The following LAMA1 variants were observed in gnomAD, a reference collection of about 807,000 sequenced individuals.
The protein encoded by LAMA1 is laminin subunit alpha-1.
Under a neutral mutation model 348.7 loss-of-function variants are expected in LAMA1, and 219 were observed. The observed-to-expected ratio is 0.63, with a 90% CI of 0.56 to 0.70. LAMA1 has a LOEUF of 0.70. Among genes scored for constraint, LAMA1 ranks in the 30% least tolerant of loss-of-function variants. The probability of loss-of-function intolerance (pLI) is 0.00; values close to 1 mark genes in which losing one functional copy is unlikely to be tolerated. For missense variants in LAMA1, 3,744 were observed against 3,888.0 expected, an observed-to-expected ratio of 0.96 and a Z score of 0.99; for synonymous variants, 1,487 against 1,491.0, an observed-to-expected ratio of 1.00 and a Z score of 0.06.
intron 9 of LAMA1, 101 bp downstream of exon 9, chr18:7,042,044 A>G (rs2058022603): frequency 2.4e-6 from 2 of 830,054 alleles, no homozygotes; most frequent in Non-Finnish European, 4.1e-6. Flanking sequence ...AGAATCAATA[A>G]TCATGTTACC....
At chr18:7,067,094 TG>T (rs1188457344) in intron 3 of LAMA1, among the ~76,000 whole-genome samples, 2 of 152,170 alleles carry the variant, frequency 1.3e-5, no homozygotes, top group Non-Finnish European at 2.9e-5. Flanking sequence ...AAGAAGAAAT[TG>T]GTAGCACCTG....
At chr18:7,046,168 C>A in intron 6 of LAMA1, 110 bp downstream of exon 6, 2 of 679,234 alleles carry the variant, frequency 2.9e-6, no homozygotes, top group African/African-American at 1.8e-5. Context: ...TTTTTTGGAG[C>A]ATAATTTTAT....
Position 7,009,295 on chromosome 18 carries a change from G to A in LAMA1, c.3945C>T (p.Ser1315=), listed in dbSNP as rs775718502. 6.8e-6 allele frequency: 11 copies of A among 1,613,078 alleles called. No individual in the cohort carries two copies. Among genetic ancestry groups the A allele is most frequent in the East Asian group, 4.5e-5 (2 of 44,872 alleles). ...VTREDFMSVL[S]DIEYILIKAS... Reference sequence around the variant, plus strand: ...CCTTGATGAGGATGTACTCAATATCGCTGAGGACAGACATAAAATCCTCTC... The same window carrying A: ...CCTTGATGAGGATGTACTCAATATCACTGAGGACAGACATAAAATCCTCTC... The change falls in exon 27 of 63, where the codon AGC becomes AGT. Residue 1315 remains serine (S), a synonymous_variant. Transcript: ENST00000389658.
intron 23 of LAMA1, among the ~76,000 whole-genome samples, chr18:7,013,148 A>G (rs1012554479): frequency 8.6e-5 from 13 of 151,988 alleles, no homozygotes; most frequent in African/African-American, 3.1e-4. Context: ...GAGACAGAGC[A>G]AGACTCTGTC....
At position 6,993,706 on chromosome 18, in the gene LAMA1, T is replaced by A. The variant is rs754328795; in HGVS notation, c.4943A>T (p.Glu1648Val). 1.2e-6 allele frequency: 2 copies of A among 1,614,108 alleles called. No individual in the cohort carries two copies. The highest frequency in any genetic ancestry group is 2.2e-5 in the South Asian group (2 of 91,076). The change falls in exon 35 of 63, where the codon GAG (glutamate) becomes GTG (valine). Residue 1648 changes from glutamate (E) to valine (V), a missense_variant. Physicochemically the swap from Glu to Val is moderately radical, Grantham distance 121. Transcript: ENST00000389658. ...GTCTTGACTCTCCTTGAAGATTCTC[T>A]CAGTTGCCCTATTCACCTTTTGGGT... The part of the protein sequence containing the change: ...ASTQKVNRAT[E>V]RIFKESQDLA...
At chr18:6,977,953 A>G (rs550858595) in intron 43 of LAMA1, 72 bp from the exon 44 acceptor site, 8 of 1,521,230 alleles carry the variant, frequency 5.3e-6, no homozygotes, top group South Asian at 2.3e-5. Context: ...TTAATTGTCC[A>G]TTAACAATGC....
chr18:7,031,630 G>C (rs980567070), intron 16 of LAMA1, among the ~76,000 whole-genome samples: 3 of 151,242 alleles, frequency 2.0e-5, no homozygotes, highest in African/African-American at 7.4e-5. Context: ...GCAGTAAGCA[G>C]TGTTGGTGCC....
chr18:7,040,258 T>C, intron 9 of LAMA1, 22 bp from the exon 10 acceptor site: 1 of 1,613,762 alleles, frequency 6.2e-7, no homozygotes, highest in Non-Finnish European at 8.5e-7. Context: ...ACAATGGCAA[T>C]GACCCAACAT....
Position 6,948,313 on chromosome 18 carries a change from A to G in LAMA1, c.8710+90T>C, listed in dbSNP as rs1748302463. ...ATGTGGTTTTCCTGCAGCCTTGTCC[A>G]GTGGGTCCTGTCTTATACTCTTGGA... On this transcript the variant is annotated intron_variant, in intron 60 of 62. Transcript: ENST00000389658. 8 of 1,533,226 alleles carry G rather than the reference A, an allele frequency of 5.2e-6. No individual in the cohort carries two copies. The East Asian group carries it at 1.6e-4, about 30-fold the overall frequency. The allele number at this position is 1,533,226 out of a possible 1,614,324, so 95.0% of individuals were successfully genotyped here. A position where few individuals can be genotyped will look rare whatever the true frequency, so the allele number is the denominator to read the frequency against.
In LAMA1 at chr18:7,012,134, T is replaced by A. The variant is rs1303652029; in HGVS notation, c.3368A>T (p.Asn1123Ile). 1.9e-6 allele frequency: 3 copies of A among 1,613,612 alleles called. No individual in the cohort carries two copies. In the Admixed American group the frequency reaches 5.0e-5, roughly 27 times the overall value. ...EETGACPCKENVFGPQCNECR... is the reference protein window; with the variant it reads ...EETGACPCKEIVFGPQCNECR... ...TTCGTTGCACTGAGGACCAAAGACA[T>A]TTTCCTACAGGGGAGCAAATAAAGG... is the stretch of plus-strand genomic sequence containing the variant. The change falls in exon 24 of 63, where the codon AAT becomes ATT. Residue 1123 changes from asparagine (N) to isoleucine (I), a missense_variant. This residue lies in a region of LAMA1 where 1,529 missense variants were observed against 1,689.4 expected (regional missense o/e 0.91). Coordinates refer to ENST00000389658, the MANE Select transcript of LAMA1 (RefSeq NM_005559.4).
At chr18:7,004,406 G>A (rs940911831) in intron 29 of LAMA1, among the ~76,000 whole-genome samples, 5 of 152,072 alleles carry the variant, frequency 3.3e-5, no homozygotes, top group Non-Finnish European at 2.9e-5. Context: ...AGGCTGGAGT[G>A]TAATGGGGCG....
chr18:6,943,166 G>T lies in LAMA1; in HGVS notation c.9067+14C>A. 6.2e-7 allele frequency: 1 copy of T among 1,609,050 alleles called. No individual in the cohort carries two copies. Among genetic ancestry groups the T allele is most frequent in the Non-Finnish European group, 8.5e-7 (1 of 1,175,518 alleles). ...GTGCCCCTTTTGAGTGGAAGAGCAGGTACCCGTACATACCAGGATAGCCAC... is the reference window on the plus strand; with the variant it reads ...GTGCCCCTTTTGAGTGGAAGAGCAGTTACCCGTACATACCAGGATAGCCAC... On this transcript the variant is annotated intron_variant, in intron 62 of 62. Transcript: ENST00000389658.
intron 22 of LAMA1, among the ~76,000 whole-genome samples, chr18:7,014,569 CTTTGAGGATACAG>C: frequency 2.5e-5 from 1 of 39,552 alleles, no homozygotes; most frequent in Non-Finnish European, 7.6e-5. Flanking sequence ...ATACAGTGAG[CTTTGAGGATACAG>C]TGAGCTTTGA....
intron 36 of LAMA1, among the ~76,000 whole-genome samples, chr18:6,991,089 C>T (rs1040193885): frequency 6.6e-6 from 1 of 152,128 alleles, no homozygotes; most frequent in Non-Finnish European, 1.5e-5. Context: ...CTGCGCAAGG[C>T]CTTTAGATCC....
intron 9 of LAMA1, among the ~76,000 whole-genome samples, chr18:7,041,060 T>TAA (rs1245334456): frequency 6.6e-6 from 1 of 152,294 alleles, no homozygotes; most frequent in Admixed American, 6.5e-5. Context: ...GTTCGACTCT[T>TAA]AGATTGTGGT....
intron 21 of LAMA1, 53 bp from the exon 22 acceptor site, chr18:7,015,911 C>T: frequency 6.2e-7 from 1 of 1,604,564 alleles, no homozygotes. Context: ...CATTAAAGGG[C>T]TAAGAGCTGA....
chr18:7,101,879 A>G (rs1372562688), intron 1 of LAMA1, among the ~76,000 whole-genome samples: 1 of 135,700 alleles, frequency 7.4e-6, no homozygotes, highest in Admixed American at 7.8e-5. Context: ...GGGTCTCCCT[A>G]TGTTGCCCAG....
intron 3 of LAMA1, among the ~76,000 whole-genome samples, chr18:7,061,599 C>T (rs576240196): frequency 6.6e-6 from 1 of 152,228 alleles, no homozygotes; most frequent in Non-Finnish European, 1.5e-5. Context: ...AGGCTTTCTC[C>T]AAAATGCAGT....
At position 6,948,386 on chromosome 18, in the gene LAMA1, G is replaced by A. The variant is rs187896511; in HGVS notation, c.8710+17C>T. 1.1e-5 allele frequency: 17 copies of A among 1,614,182 alleles called. No homozygotes were observed. In the Admixed American group the frequency reaches 2.7e-4, roughly 25 times the overall value. ...ACTCATTCGGGGACTGCCTTCGAGA[G>A]TGTTGCTAACACATACCAAGAGCTG... On this transcript the variant is annotated intron_variant, in intron 60 of 62. Coordinates refer to ENST00000389658, the MANE Select transcript of LAMA1 (RefSeq NM_005559.4).
Sources: gnomAD v4.1 joint callset for allele counts (sites outside exome capture counted in the v4.1 genomes callset) on GRCh38, gnomAD v4.1.1 for gene constraint, gnomAD v4.1.1 regional missense constraint, MANE v1.5 for transcripts, NCBI Gene and HGNC (gene_info 2026-07-23, HGNC 2026-07-21) for gene names.